The following CEP55 variants were observed in gnomAD, a reference collection of about 807,000 sequenced individuals.
The protein encoded by CEP55 is centrosomal protein of 55 kDa.
CEP55 carries 57 observed loss-of-function variants against 63.2 expected under a neutral mutation model. That is an observed-to-expected ratio of 0.90 (90% confidence interval 0.73 to 1.13). CEP55 has a LOEUF of 1.13. Ranked by LOEUF, CEP55 falls within the 50% of genes most tolerant of loss-of-function variation. CEP55 has a pLI of 0.00. For missense variants in CEP55, 456 were observed against 518.9 expected (o/e 0.88, Z 1.18); for synonymous variants, 178 against 191.6 (o/e 0.93, Z 0.59).
intron 8 of CEP55, among the ~76,000 whole-genome samples, chr10:93,525,168 C>T (rs2057908228): frequency 6.6e-6 from 1 of 152,060 alleles, no homozygotes. Flanking sequence ...TTGCAGATGA[C>T]ATGATTGTAT....
intron 6 of CEP55, 117 bp from the exon 7 acceptor site, chr10:93,518,760 C>G: frequency 1.6e-6 from 1 of 642,092 alleles, no homozygotes; most frequent in South Asian, 2.1e-5. Context: ...TCACCCCTGA[C>G]TAGCAGGTGT....
chr10:93,526,645 T>C (rs2057925664), intron 8 of CEP55, among the ~76,000 whole-genome samples: 1 of 152,220 alleles, frequency 6.6e-6, no homozygotes, highest in Non-Finnish European at 1.5e-5. Flanking sequence ...GTATGTTTAT[T>C]GTGGCACTAT....
intron 6 of CEP55, 55 bp downstream of exon 6, chr10:93,517,303 C>A: frequency 7.1e-7 from 1 of 1,416,796 alleles, no homozygotes; most frequent in South Asian, 1.4e-5. Flanking sequence ...TTCTAAGTGT[C>A]AGGGACTATT....
intron 4 of CEP55, among the ~76,000 whole-genome samples, 174 bp from the exon 5 acceptor site, chr10:93,515,231 T>C (rs1305402061): frequency 6.6e-6 from 1 of 152,176 alleles, no homozygotes; most frequent in Non-Finnish European, 1.5e-5. Flanking sequence ...TAAACTACGA[T>C]GGTGTCATGT....
chr10:93,527,964 G>A lies in CEP55; in HGVS notation c.1206G>A (p.Glu402=), dbSNP rs761825688. Residue 402 remains glutamate (E), a synonymous_variant, in exon 9 of 9, where the codon GAG becomes GAA. Transcript: ENST00000371485. ...TQLESLKQLH[E]FAITEPLVTF... is the part of the protein sequence containing the mutation. ...TTATTTTTCAGAAACAGCTTCATGAGTTTGCCATCACAGAGCCATTAGTCA... is the reference window on the plus strand; with the variant it reads ...TTATTTTTCAGAAACAGCTTCATGAATTTGCCATCACAGAGCCATTAGTCA... 2 of 1,613,452 alleles carry A rather than the reference G, an allele frequency of 1.2e-6. No homozygotes were observed. Among genetic ancestry groups the A allele is most frequent in the East Asian group, 2.2e-5 (1 of 44,856 alleles).
chr10:93,505,836 A>G (rs562681372), intron 3 of CEP55, among the ~76,000 whole-genome samples: 1 of 137,800 alleles, frequency 7.3e-6, no homozygotes, highest in South Asian at 2.5e-4. Flanking sequence ...AACTAATACT[A>G]ATTAATAATT....
intron 2 of CEP55, 100 bp from the exon 3 acceptor site, chr10:93,503,013 C>A: frequency 8.6e-7 from 1 of 1,156,106 alleles, no homozygotes; most frequent in Non-Finnish European, 1.2e-6. Context: ...GTAATGCTGA[C>A]TTGATAATAA....
intron 8 of CEP55, 112 bp downstream of exon 8, chr10:93,519,919 C>A: frequency 1.7e-6 from 2 of 1,184,908 alleles, no homozygotes; most frequent in Non-Finnish European, 2.5e-6. Flanking sequence ...TATCTCAAAT[C>A]AGTAGGTAGA....
intron 4 of CEP55, among the ~76,000 whole-genome samples, chr10:93,511,945 T>C (rs542455954): frequency 2.0e-5 from 3 of 151,344 alleles, no homozygotes; most frequent in African/African-American, 7.3e-5. Flanking sequence ...TAAAATAAAA[T>C]TGGGCTGGCG....
chr10:93,517,087 A>T lies in CEP55; in HGVS notation c.832A>T (p.Asn278Tyr). ...KYEETQKEVH[N>Y]LNQLLYSQRR... ...TGAAGAAACCCAAAAAGAAGTTCAC[A>T]ATTTAAATCAGCTGTTGTATTCACA... The change falls in exon 6 of 9, where the codon AAT (asparagine) becomes TAT (tyrosine). Residue 278 changes from asparagine to tyrosine, a missense_variant. Coordinates refer to ENST00000371485, the MANE Select transcript of CEP55 (RefSeq NM_018131.5). 6.2e-7 allele frequency: 1 copy of T among 1,614,170 alleles called. No individual in the cohort carries two copies. The highest frequency in any genetic ancestry group is 8.5e-7 in the Non-Finnish European group (1 of 1,180,026).
intron 8 of CEP55, among the ~76,000 whole-genome samples, chr10:93,526,369 T>C (rs1295247691): frequency 6.6e-6 from 1 of 151,872 alleles, no homozygotes; most frequent in Non-Finnish European, 1.5e-5. Flanking sequence ...GAAATGCAAA[T>C]CAAAACCACA....
Position 93,500,020 on chromosome 10 carries a change from G to A in CEP55, c.-12-20G>A, listed in dbSNP as rs2057615925. Reference sequence around the variant, plus strand: ...AAATTTTTAAACTCAGAATTATACAGTTGATTTTTATTTTTACAGACCATT... The same window carrying A: ...AAATTTTTAAACTCAGAATTATACAATTGATTTTTATTTTTACAGACCATT... On this transcript the variant is annotated intron_variant, in intron 1 of 8. Coordinates refer to ENST00000371485, the MANE Select transcript of CEP55 (RefSeq NM_018131.5). 2 of 1,518,294 alleles carry A rather than the reference G, an allele frequency of 1.3e-6. No individual in the cohort carries two copies. Among genetic ancestry groups the A allele is most frequent in the Middle Eastern group, 1.8e-4 (1 of 5,712 alleles). 94.1% of individuals were successfully genotyped at this position (1,518,294 alleles called of 1,614,324 possible). A position where few individuals can be genotyped will look rare whatever the true frequency, so the allele number is the denominator to read the frequency against.
At chr10:93,499,387 C>T (rs1231541830) in intron 1 of CEP55, among the ~76,000 whole-genome samples, 5 of 152,070 alleles carry the variant, frequency 3.3e-5, no homozygotes, top group African/African-American at 1.2e-4. Context: ...TGATTGTGAC[C>T]TACTTCTTTC....
intron 2 of CEP55, among the ~76,000 whole-genome samples, chr10:93,502,194 A>T (rs1302589002): frequency 1.3e-5 from 2 of 152,202 alleles, no homozygotes; most frequent in African/African-American, 4.8e-5. Flanking sequence ...TGAACACAGT[A>T]TCCTAAATAT....
chr10:93,517,845 G>A (rs74640929), intron 6 of CEP55, among the ~76,000 whole-genome samples: 12,788 of 152,210 alleles, frequency 0.084, 603 homozygotes, highest in Non-Finnish European at 0.1. Flanking sequence ...CATCATGGAA[G>A]GAACATTATT....
intron 6 of CEP55, 47 bp from the exon 7 acceptor site, chr10:93,518,830 C>A: frequency 7.2e-7 from 1 of 1,389,378 alleles, no homozygotes; most frequent in African/African-American, 1.4e-5. Context: ...CAGGTCAAGC[C>A]GGAAAAGGTT....
At chr10:93,511,901 T>C (rs61865309) in intron 4 of CEP55, among the ~76,000 whole-genome samples, 9,859 of 151,770 alleles carry the variant, frequency 0.065, 354 homozygotes, top group Non-Finnish European at 0.076. Flanking sequence ...TGCACCCAGC[T>C]GGTTCCTTTA....
chr10:93,515,466 G>A lies in CEP55; in HGVS notation c.590G>A (p.Gly197Glu). Residue 197 changes from glycine to glutamate, a missense_variant, in exon 5 of 9, where the codon GGA becomes GAA. Physicochemically the swap from Gly to Glu is moderately conservative, Grantham distance 98. Coordinates refer to ENST00000371485, the MANE Select transcript of CEP55 (RefSeq NM_018131.5). ...CAGCAGCGGGAAGTCTATGTAAAAG[G>A]ACTTTTAGCAAAGATCTTTGAGTTG... ...YDQQREVYVK[G>E]LLAKIFELEK... 6.2e-7 allele frequency: 1 copy of A among 1,613,810 alleles called. No homozygotes were observed. Among genetic ancestry groups the A allele is most frequent in the Non-Finnish European group, 8.5e-7 (1 of 1,179,786 alleles).
At chr10:93,515,320 A>G in intron 4 of CEP55, 85 bp from the exon 5 acceptor site, 1 of 1,275,980 alleles carries the variant, frequency 7.8e-7, no homozygotes, top group Non-Finnish European at 1.1e-6. Flanking sequence ...TTGTTGGAAA[A>G]GACTACATCA....
Sources: allele counts gnomAD v4.1 joint callset (sites outside exome capture counted in the v4.1 genomes callset), GRCh38; gene constraint gnomAD v4.1.1; transcripts MANE v1.5; gene names NCBI Gene and HGNC (gene_info 2026-07-23, HGNC 2026-07-21).